Variants in UFL1 observed in about 807,000 individuals in gnomAD.
The protein encoded by UFL1 is E3 UFM1-protein ligase 1.
A neutral mutation model predicts 99.3 loss-of-function variants in UFL1; 78 were observed. The ratio of observed to expected loss-of-function variants is 0.79; its 90% CI spans 0.65 to 0.95. The LOEUF (loss-of-function observed/expected upper bound fraction) is 0.95. Ranked by LOEUF, UFL1 falls within the 40% of genes least tolerant of loss-of-function variation. UFL1 has a pLI of 0.00. For synonymous variants in UFL1, 335 were observed against 322.2 expected, an observed-to-expected ratio of 1.04 and a Z score of -0.42; for missense variants, 936 against 937.0, an observed-to-expected ratio of 1.00 and a Z score of 0.01.
intron 13 of UFL1, among the ~76,000 whole-genome samples, chr6:96,548,517 A>G (rs888808840): frequency 2.0e-5 from 3 of 151,614 alleles, no homozygotes; most frequent in African/African-American, 7.3e-5. Flanking sequence ...GGAGCGAGAA[A>G]GTGTCCTCAC....
intron 15 of UFL1, among the ~76,000 whole-genome samples, chr6:96,550,073 G>T (rs1770056275): frequency 6.6e-6 from 1 of 151,726 alleles, no homozygotes; most frequent in Non-Finnish European, 1.5e-5. Context: ...TCTTCCTAAT[G>T]ACTGGCAAAT....
intron 12 of UFL1, among the ~76,000 whole-genome samples, chr6:96,546,482 A>G (rs1304901135): frequency 1.3e-5 from 2 of 151,184 alleles, no homozygotes; most frequent in African/African-American, 4.8e-5. Context: ...TATCAAAAAC[A>G]AACATCATTT....
Position 96,553,672 on chromosome 6 carries a change from G to T in UFL1, c.*169G>T. The T allele has an allele frequency of 2.2e-6, 1 of 465,044 alleles. No homozygotes were observed. Among genetic ancestry groups the T allele is most frequent in the Non-Finnish European group, 3.6e-6 (1 of 276,322 alleles). 28.8% of individuals were successfully genotyped at this position (465,044 alleles called of 1,614,324 possible). ...TTGTATTAAATGTAAATCTTAAAAAGATGTGAATTTTTGTAAATTGGGTTC... is the reference window on the plus strand; with the variant it reads ...TTGTATTAAATGTAAATCTTAAAAATATGTGAATTTTTGTAAATTGGGTTC... On this transcript the variant is annotated 3_prime_UTR_variant, in exon 19 of 19. Coordinates refer to ENST00000369278, the MANE Select transcript of UFL1 (RefSeq NM_015323.5).
chr6:96,548,251 T>G lies in UFL1; in HGVS notation c.1490T>G (p.Phe497Cys), dbSNP rs761017967. ...RKHIQDAPEE[F>C]ISELAEYLIK... ...CACATACAAGATGCCCCTGAGGAGTTTATTTCGGAACTTGCTGAGTACTTA... is the reference window on the plus strand; with the variant it reads ...CACATACAAGATGCCCCTGAGGAGTGTATTTCGGAACTTGCTGAGTACTTA... The change falls in exon 13 of 19, where the codon TTT becomes TGT. Residue 497 changes from phenylalanine to cysteine, a missense_variant. Phe to Cys is a radical substitution (Grantham distance 205, BLOSUM62 -2). Coordinates refer to ENST00000369278, the MANE Select transcript of UFL1 (RefSeq NM_015323.5). 68 of 1,602,878 alleles carry G rather than the reference T, an allele frequency of 4.2e-5. No homozygotes were observed. Among genetic ancestry groups the G allele is most frequent in the Non-Finnish European group, 5.5e-5 (65 of 1,175,370 alleles).
chr6:96,538,491 G>A, intron 9 of UFL1, 140 bp from the exon 10 acceptor site: 1 of 686,876 alleles, frequency 1.5e-6, no homozygotes, highest in Non-Finnish European at 2.3e-6. Flanking sequence ...ATATAATTTG[G>A]AGGTTATCGG....
rs1402956861 is a variant in UFL1, at chr6:96,549,413, C to T, written c.1522C>T (p.Pro508Ser). The change falls in exon 14 of 19, where the codon CCT (proline) becomes TCT (serine). Residue 508 changes from proline to serine, a missense_variant and splice_region_variant. Pro to Ser is a moderately conservative substitution (Grantham distance 74). Transcript: ENST00000369278. The stretch of plus-strand genomic sequence containing the variant: ...TAAATATATTTGTCTTATGCACAGA[C>T]CTCTTAATAAAACTTATCTCGAGGT... ...ISELAEYLIK[P>S]LNKTYLEVVR... 1.3e-6 allele frequency: 2 copies of T among 1,593,396 alleles called. No individual in the cohort carries two copies. Among genetic ancestry groups the T allele is most frequent in the South Asian group, 1.2e-5 (1 of 86,440 alleles).
In UFL1 at chr6:96,554,095, G is replaced by A. The variant is rs1029655888; in HGVS notation, c.*592G>A. On this transcript the variant is annotated 3_prime_UTR_variant, in exon 19 of 19. Coordinates refer to ENST00000369278, the MANE Select transcript of UFL1 (RefSeq NM_015323.5). ...TTTGGCAGAATAAACATTGATTTTG[G>A]TTGGGGCTGCAAGGATGCCTTTACA... The A allele has an allele frequency of 2.0e-5, 3 of 152,340 alleles. No homozygotes were observed. The highest frequency in any genetic ancestry group is 1.3e-4 in the Admixed American group (2 of 15,278). The allele number at this position is 152,340 out of a possible 1,614,324, so 9.4% of individuals were successfully genotyped here.
In UFL1 at chr6:96,545,358, T is replaced by C. The variant is rs548166263; in HGVS notation, c.1402+2342T>C. Among the ~76,000 whole-genome samples, 22 of 151,274 alleles carry C rather than the reference T, an allele frequency of 1.5e-4. No individual in the cohort carries two copies. In the South Asian group the frequency reaches 3.9e-3, roughly 27 times the overall value. On this transcript the variant is annotated intron_variant, in intron 12 of 18. Coordinates refer to ENST00000369278, the MANE Select transcript of UFL1 (RefSeq NM_015323.5). ...GCTTTCCTAAGTAAATGGGTAGGCA[T>C]GACATTTGCACAGTTAGCTATTATT...
intron 11 of UFL1, among the ~76,000 whole-genome samples, chr6:96,541,313 A>C (rs76348538): frequency 0.013 from 1,940 of 151,564 alleles, 48 homozygotes; most frequent in African/African-American, 0.044. Context: ...AAATGAAAAA[A>C]TTTCTGAAGG....
chr6:96,522,803 T>C (rs987034391), intron 1 of UFL1: 7 of 166,220 alleles, frequency 4.2e-5, no homozygotes, highest in Non-Finnish European at 6.4e-5. Context: ...TTTTTTGTTT[T>C]GTTTTGTTTT....
chr6:96,554,505 TTAGAG>T lies in UFL1; in HGVS notation c.*1005_*1009del, dbSNP rs1345894291. On this transcript the variant is annotated 3_prime_UTR_variant, in exon 19 of 19. Transcript: ENST00000369278. The stretch of plus-strand genomic sequence containing the variant: ...AGTTAAAAATAACTAAAAGAGTTCC[TTAGAG>T]TAATCATTTCAACCAAATGAATTTC... 24 of 152,136 alleles carry T rather than the reference TTAGAG, an allele frequency of 1.6e-4. No individual in the cohort carries two copies. The highest frequency in any genetic ancestry group is 7.7e-4 in the East Asian group (4 of 5,182). The allele number at this position is 152,136 out of a possible 1,614,324, so 9.4% of individuals were successfully genotyped here. A position where few individuals can be genotyped will look rare whatever the true frequency, so the allele number is the denominator to read the frequency against.
intron 15 of UFL1, among the ~76,000 whole-genome samples, chr6:96,550,598 A>G (rs1770064265): frequency 4.6e-5 from 7 of 151,942 alleles, no homozygotes; most frequent in Admixed American, 4.6e-4. Context: ...GTGACTTCTC[A>G]CAGTAAGGAC....
chr6:96,525,534 T>C, intron 4 of UFL1, 140 bp downstream of exon 4: 1 of 691,606 alleles, frequency 1.4e-6, no homozygotes, highest in Non-Finnish European at 2.5e-6. Flanking sequence ...TGATAAGGTT[T>C]ATTTCACTTA....
intron 2 of UFL1, among the ~76,000 whole-genome samples, chr6:96,523,905 CTTTT>C (rs1769663000): frequency 6.6e-6 from 1 of 152,142 alleles, no homozygotes; most frequent in Non-Finnish European, 1.5e-5. Flanking sequence ...TGGTCTTTGT[CTTTT>C]TTTATTTATC....
rs749743876 is a variant in UFL1, at chr6:96,526,397, T to A, written c.427T>A (p.Cys143Ser). 6.2e-7 allele frequency: 1 copy of A among 1,612,976 alleles called. No individual in the cohort carries two copies. The highest frequency in any genetic ancestry group is 1.7e-5 in the Admixed American group (1 of 59,788). The stretch of plus-strand genomic sequence containing the variant: ...TGGTCAGGTCACCATATCAGAACTG[T>A]GTAAAACTTATGATCTTCCTGGGAA... Reference protein sequence around the residue: ...ESGQVTISELCKTYDLPGNFL... With the variant: ...ESGQVTISELSKTYDLPGNFL... Residue 143 changes from cysteine (C) to serine (S), a missense_variant, in exon 5 of 19, where the codon TGT becomes AGT. By Grantham distance (112) the Cys-to-Ser change is moderately radical. Transcript: ENST00000369278.
chr6:96,537,256 AGTT>A, intron 8 of UFL1, 115 bp from the exon 9 acceptor site: 1 of 725,860 alleles, frequency 1.4e-6, no homozygotes, highest in East Asian at 3.2e-5. Context: ...GAGTTAGAGG[AGTT>A]AAGAAGGTAG....
intron 6 of UFL1, among the ~76,000 whole-genome samples, chr6:96,531,784 G>T (rs1329832268): frequency 6.6e-6 from 1 of 152,064 alleles, no homozygotes; most frequent in Non-Finnish European, 1.5e-5. Context: ...AATCAGCTGT[G>T]TTTTTCTCAT....
At chr6:96,546,204 A>C (rs192467614) in intron 12 of UFL1, among the ~76,000 whole-genome samples, 1 of 151,252 alleles carries the variant, frequency 6.6e-6, no homozygotes, top group Admixed American at 6.6e-5. Flanking sequence ...AAAAATTAGT[A>C]GCATTTCTAT....
At chr6:96,543,270 A>G (rs1249353594) in intron 12 of UFL1, among the ~76,000 whole-genome samples, 1 of 151,202 alleles carries the variant, frequency 6.6e-6, no homozygotes, top group African/African-American at 2.4e-5. Flanking sequence ...TCTTCAGTCC[A>G]CAAATCAGTA....
Sources: allele counts gnomAD v4.1 joint callset (sites outside exome capture counted in the v4.1 genomes callset), GRCh38; gene constraint gnomAD v4.1.1; transcripts MANE v1.5; gene names NCBI Gene and HGNC (gene_info 2026-07-23, HGNC 2026-07-21).